The following UBE3A variants were observed in gnomAD, a reference collection of about 807,000 sequenced individuals.
UBE3A encodes the protein ubiquitin-protein ligase E3A.
A neutral mutation model predicts 83.4 loss-of-function variants in UBE3A; 6 were observed. The observed-to-expected ratio is 0.07, with a 90% CI of 0.04 to 0.14. The LOEUF (loss-of-function observed/expected upper bound fraction) is 0.14. Among genes scored for constraint, UBE3A ranks in the 10% least tolerant of loss-of-function variants. The pLI is 1.00. For synonymous variants in UBE3A, 337 were observed against 355.4 expected, an observed-to-expected ratio of 0.95 and a Z score of 0.58; for missense variants, 456 against 1,036.1, an observed-to-expected ratio of 0.44 and a Z score of 7.69.
chr15:25,376,758 G>A (rs2081287992), intron 4 of UBE3A, among the ~76,000 whole-genome samples: 1 of 113,562 alleles, frequency 8.8e-6, no homozygotes, highest in African/African-American at 3.8e-5. Flanking sequence ...TCACAAGATG[G>A]AATATTTTAA....
intron 11 of UBE3A, among the ~76,000 whole-genome samples, chr15:25,349,501 T>TTA (rs2152610674): frequency 6.6e-6 from 1 of 152,272 alleles, no homozygotes; most frequent in Non-Finnish European, 1.5e-5. Context: ...AATGGGCCTT[T>TTA]TATATAGAAT....
At chr15:25,401,731 C>T (rs1048873404) in intron 4 of UBE3A, among the ~76,000 whole-genome samples, 1 of 151,868 alleles carries the variant, frequency 6.6e-6, no homozygotes, top group Non-Finnish European at 1.5e-5. Flanking sequence ...TCAAAAAACA[C>T]AACTCTTTAT....
intron 8 of UBE3A, 72 bp from the exon 9 acceptor site, chr15:25,356,128 T>C: frequency 6.4e-7 from 1 of 1,554,068 alleles, no homozygotes; most frequent in Non-Finnish European, 8.9e-7. Context: ...ATATCACTCT[T>C]CTTAGAAGAC....
rs76056788 is a variant in UBE3A at position 25,370,058 on chromosome 15, G to A, written c.1608+508C>T. ...CAGGGATATTCTAAGTGGCCCAGCA[G>A]GACTCAACTCTTACTGGCAACAGGC... On this transcript the variant is annotated intron_variant, in intron 6 of 12. Coordinates refer to ENST00000648336, the MANE Select transcript of UBE3A (RefSeq NM_130839.5). This position sits in a 1 kb window ranked among gnomAD's most constrained non-coding sequence, Gnocchi z 4.2. Among the ~76,000 whole-genome samples, 3,235 of 152,218 alleles carry A rather than the reference G, an allele frequency of 0.021. 118 individuals are homozygous for A. Among genetic ancestry groups the A allele is most frequent in the African/African-American group, 0.073 (3,041 of 41,506 alleles).
At chr15:25,377,664 T>C (rs1011110407) in intron 4 of UBE3A, among the ~76,000 whole-genome samples, 1 of 152,176 alleles carries the variant, frequency 6.6e-6, no homozygotes, top group African/African-American at 2.4e-5. Context: ...ACAGTGAACA[T>C]GTATCGAAAG....
chr15:25,364,416 T>C (rs372716088), intron 6 of UBE3A, among the ~76,000 whole-genome samples: 1 of 152,290 alleles, frequency 6.6e-6, no homozygotes, highest in South Asian at 2.1e-4. Flanking sequence ...ACAAATAAAC[T>C]GTAAAGGTGT....
chr15:25,431,769 A>C (rs1470538067), intron 1 of UBE3A, among the ~76,000 whole-genome samples: 1 of 152,248 alleles, frequency 6.6e-6, no homozygotes, highest in Admixed American at 6.5e-5. Context: ...CGTATCACAT[A>C]CCATAGATGC....
chr15:25,412,655 C>A (rs572514245), intron 1 of UBE3A, among the ~76,000 whole-genome samples: 5 of 151,802 alleles, frequency 3.3e-5, no homozygotes. Context: ...TCAGAACATT[C>A]CTCAATGGAA....
chr15:25,426,315 G>A (rs1042103015), intron 1 of UBE3A, among the ~76,000 whole-genome samples: 6 of 151,986 alleles, frequency 3.9e-5, no homozygotes, highest in African/African-American at 1.4e-4. Flanking sequence ...CTGAAAACAG[G>A]GACATCTGTA....
intron 4 of UBE3A, among the ~76,000 whole-genome samples, chr15:25,399,681 T>C (rs965057852): frequency 2.0e-5 from 3 of 151,984 alleles, no homozygotes; most frequent in Non-Finnish European, 4.4e-5. Context: ...CAATCCTCCT[T>C]CTTCAGCCTC....
intron 1 of UBE3A, among the ~76,000 whole-genome samples, 187 bp from the exon 2 acceptor site, chr15:25,412,158 T>TCAGCA (rs2090120851): frequency 6.6e-6 from 1 of 152,230 alleles, no homozygotes; most frequent in Non-Finnish European, 1.5e-5. Context: ...GCAGGCCCTG[T>TCAGCA]GGCCTGAGTG....
intron 11 of UBE3A, among the ~76,000 whole-genome samples, chr15:25,341,224 C>T (rs1343147288): frequency 8.3e-6 from 1 of 120,214 alleles, no homozygotes; most frequent in Non-Finnish European, 1.7e-5. Flanking sequence ...TGCCTGCCAC[C>T]ACGCCTGGCT....
chr15:25,344,807 G>A (rs919204004), intron 11 of UBE3A, among the ~76,000 whole-genome samples: 1 of 152,064 alleles, frequency 6.6e-6, no homozygotes, highest in East Asian at 1.9e-4. Context: ...TGTAGGACAA[G>A]CAGATGGAAA....
intron 11 of UBE3A, among the ~76,000 whole-genome samples, chr15:25,344,737 C>G (rs1439826717): frequency 6.6e-6 from 1 of 152,094 alleles, no homozygotes; most frequent in Non-Finnish European, 1.5e-5. Flanking sequence ...TTCTGTAGAA[C>G]TGTTTTTCAA....
At chr15:25,428,715 C>T (rs1299196206) in intron 1 of UBE3A, among the ~76,000 whole-genome samples, 1 of 152,156 alleles carries the variant, frequency 6.6e-6, no homozygotes, top group Non-Finnish European at 1.5e-5. Context: ...GATAGCATTT[C>T]ACATGCCTCA....
chr15:25,359,359 C>A (rs1380536226), intron 7 of UBE3A, among the ~76,000 whole-genome samples: 1 of 151,530 alleles, frequency 6.6e-6, no homozygotes, highest in Non-Finnish European at 1.5e-5. Context: ...AAACTACATA[C>A]AAATGGCATA....
intron 4 of UBE3A, among the ~76,000 whole-genome samples, chr15:25,389,169 G>A (rs764405596): frequency 1.1e-4 from 17 of 151,800 alleles, no homozygotes; most frequent in Non-Finnish European, 1.9e-4. Context: ...AGTCAAAGGA[G>A]CAATGGCAGT....
chr15:25,423,857 C>T (rs1421989328), intron 1 of UBE3A, among the ~76,000 whole-genome samples: 1 of 152,154 alleles, frequency 6.6e-6, no homozygotes, highest in African/African-American at 2.4e-5. Context: ...TTATTTCCCA[C>T]TTTCATCTGG....
intron 4 of UBE3A, among the ~76,000 whole-genome samples, chr15:25,404,919 C>T (rs2088105600): frequency 6.6e-6 from 1 of 151,216 alleles, no homozygotes; most frequent in Non-Finnish European, 1.5e-5. Flanking sequence ...CTTAGCATTT[C>T]CTGGCCACTC....
Sources: allele counts gnomAD v4.1 joint callset (sites outside exome capture counted in the v4.1 genomes callset), GRCh38; gene constraint gnomAD v4.1.1; non-coding constraint Gnocchi (gnomAD v3.1); transcripts MANE v1.5; gene names NCBI Gene and HGNC (gene_info 2026-07-23, HGNC 2026-07-21).